Variants in TNFRSF9 observed in about 807,000 individuals in gnomAD.
TNFRSF9 encodes the protein tumor necrosis factor receptor superfamily member 9.
A neutral mutation model predicts 28.8 loss-of-function variants in TNFRSF9; 16 were observed. The ratio of observed to expected loss-of-function variants is 0.55; its 90% CI spans 0.38 to 0.84. The LOEUF is 0.84. Ranked by LOEUF, TNFRSF9 falls within the 40% of genes least tolerant of loss-of-function variation. The pLI is 0.00. For missense variants in TNFRSF9, 303 were observed against 315.0 expected (o/e 0.96, Z 0.29); for synonymous variants, 131 against 117.0 (o/e 1.12, Z -0.77).
chr1:7,936,933 C>T (rs1639824067), intron 5 of TNFRSF9, among the ~76,000 whole-genome samples: 1 of 152,196 alleles, frequency 6.6e-6, no homozygotes, highest in Non-Finnish European at 1.5e-5. Flanking sequence ...GTTCTGGTTC[C>T]ACAAAACAAC....
intron 2 of TNFRSF9, among the ~76,000 whole-genome samples, chr1:7,939,194 C>A (rs561623466): frequency 6.6e-6 from 1 of 152,010 alleles, no homozygotes; most frequent in South Asian, 2.1e-4. Context: ...GTGGTGCACA[C>A]CTGTAATCCC....
At chr1:7,921,143 G>A (rs9658040) in intron 7 of TNFRSF9, among the ~76,000 whole-genome samples, 6 of 151,538 alleles carry the variant, frequency 4.0e-5, no homozygotes, top group Non-Finnish European at 7.4e-5. Context: ...CAAGACCAGC[G>A]TGGCCAACAT....
At chr1:7,922,674 T>G (rs553055930) in intron 7 of TNFRSF9, among the ~76,000 whole-genome samples, 1 of 151,952 alleles carries the variant, frequency 6.6e-6, no homozygotes, top group East Asian at 2.0e-4. Context: ...TAGCTGGGCA[T>G]GGTGGCGCTC....
intron 7 of TNFRSF9, among the ~76,000 whole-genome samples, chr1:7,925,289 C>T (rs1175382222): frequency 2.0e-5 from 3 of 148,210 alleles, no homozygotes; most frequent in Non-Finnish European, 3.0e-5. Flanking sequence ...GCCTGGGCAG[C>T]AAGACCCTGC....
At chr1:7,934,484 G>T (rs186581534) in intron 6 of TNFRSF9, among the ~76,000 whole-genome samples, 131 of 152,282 alleles carry the variant, frequency 8.6e-4, no homozygotes, top group African/African-American at 3.1e-3. Flanking sequence ...GCCGAGGTGG[G>T]CGGATCATGC....
At chr1:7,924,817 G>T (rs993087493) in intron 7 of TNFRSF9, among the ~76,000 whole-genome samples, 1 of 152,028 alleles carries the variant, frequency 6.6e-6, no homozygotes, top group African/African-American at 2.4e-5. Flanking sequence ...ACTCTGTGTG[G>T]GTCTAGGCTA....
intron 1 of TNFRSF9, 86 bp from the exon 2 acceptor site, chr1:7,940,164 A>C (rs1639881705): frequency 2.1e-6 from 1 of 470,874 alleles, no homozygotes; most frequent in Non-Finnish European, 3.9e-6. Flanking sequence ...CAATTCTATA[A>C]GAGGATAACT....
intron 7 of TNFRSF9, 82 bp downstream of exon 7, chr1:7,933,080 A>AT (rs1206197354): frequency 2.9e-5 from 43 of 1,496,758 alleles, no homozygotes; most frequent in Admixed American, 1.1e-4. Context: ...CATTTCTAGA[A>AT]TTTTTTTTAA....
At chr1:7,928,140 TA>T (rs1448035524) in intron 7 of TNFRSF9, among the ~76,000 whole-genome samples, 1 of 152,042 alleles carries the variant, frequency 6.6e-6, no homozygotes, top group East Asian at 1.9e-4. Flanking sequence ...ACAGCTGAAA[TA>T]AAAATTGTGG....
rs1639761734 is a variant in TNFRSF9 at position 7,933,285 on chromosome 1, G to A, written c.556C>T (p.Gln186Ter). 1 of 1,613,178 alleles carries A rather than the reference G, an allele frequency of 6.2e-7. No individual in the cohort carries two copies. Residue 186 changes from glutamine (Q) to a stop codon, truncating the protein, a stop_gained, in exon 7 of 8, where the codon CAG becomes TAG. Coordinates refer to ENST00000377507, the MANE Select transcript of TNFRSF9 (RefSeq NM_001561.6). LOFTEE classifies it high-confidence loss of function. ...APAREPGHSP[Q>*]IISFFLALTS... The stretch of plus-strand genomic sequence containing the variant: ...AGCGCAAGAAAGAAGGAGATGATCT[G>A]CGGAGAGTGTCCTGCAAAACACAGC...
chr1:7,937,700 G>T lies in TNFRSF9; in HGVS notation c.403C>A (p.Pro135Thr). 1.2e-6 allele frequency: 2 copies of T among 1,613,172 alleles called. No individual in the cohort carries two copies. The highest frequency in any genetic ancestry group is 1.1e-5 in the South Asian group (1 of 91,034). ...FNDQKRGICR[P>T]WTNCSLDGKS... is the part of the protein sequence containing the mutation. ...GGAAATTATACGTACTTTGTCCAGG[G>T]TCGACAGATGCCACGTTTCTGATCG... Residue 135 changes from proline to threonine, a missense_variant, in exon 5 of 8, where the codon CCC becomes ACC. Coordinates refer to ENST00000377507, the MANE Select transcript of TNFRSF9 (RefSeq NM_001561.6).
Position 7,939,872 on chromosome 1 carries a change from GCACATGA to G in TNFRSF9, c.100+16_100+22del. On this transcript the variant is annotated intron_variant, in intron 2 of 7. Coordinates refer to ENST00000377507, the MANE Select transcript of TNFRSF9 (RefSeq NM_001561.6). ...ATACTTCCAACAGAGCAGATCAAAT[GCACATGA>G]TAACTGGGTACTCACCAGCTGGGCA... The G allele has an allele frequency of 6.4e-7, 1 of 1,558,074 alleles. No individual in the cohort carries two copies. The highest frequency in any genetic ancestry group is 8.8e-7 in the Non-Finnish European group (1 of 1,133,968).
In TNFRSF9 at chr1:7,917,955, G is replaced by GATATATATATATATAT. The variant is rs151323868; in HGVS notation, c.*2864_*2879dup. ...AAAAAGGGAAAAATAAATTACAAAG[G>GATATATATATATATAT]ATATATATATATATATATATAGATA... On this transcript the variant is annotated 3_prime_UTR_variant, in exon 8 of 8. Transcript: ENST00000377507. 17 of 136,460 alleles carry GATATATATATATATAT rather than the reference G, an allele frequency of 1.2e-4. No individual in the cohort carries two copies. Among genetic ancestry groups the GATATATATATATATAT allele is most frequent in the Admixed American group, 7.4e-4 (10 of 13,452 alleles). The allele number at this position is 136,460 out of a possible 1,614,324, so 8.5% of individuals were successfully genotyped here.
Position 7,939,986 on chromosome 1 carries a change from GT to G in TNFRSF9, c.8del (p.Asn3ThrfsTer6), listed in dbSNP as rs1182499221. On this transcript the variant is annotated frameshift_variant, in exon 2 of 8. Coordinates refer to ENST00000377507, the MANE Select transcript of TNFRSF9 (RefSeq NM_001561.6). LOFTEE classifies it high-confidence loss of function. MGNSCYNIVATLL... is the reference protein window; with the variant it reads MGXSCYNIVATLL... Reference sequence around the variant, plus strand: ...GAGTGGCTACTATGTTGTAACAGCTGTTTCCCATGATGAAATCTGGCACAGG... The same window carrying G: ...GAGTGGCTACTATGTTGTAACAGCTGTTCCCATGATGAAATCTGGCACAGG... 1 of 1,590,710 alleles carries G rather than the reference GT, an allele frequency of 6.3e-7. No individual in the cohort carries two copies. The highest frequency in any genetic ancestry group is 1.3e-5 in the African/African-American group (1 of 74,634).
At chr1:7,931,175 T>C (rs1338412015) in intron 7 of TNFRSF9, among the ~76,000 whole-genome samples, 2 of 152,030 alleles carry the variant, frequency 1.3e-5, no homozygotes, top group East Asian at 3.9e-4. Flanking sequence ...GCCAGGGGAG[T>C]GTAAATGGGG....
chr1:7,940,148 C>T (rs1013128093), intron 1 of TNFRSF9, 70 bp from the exon 2 acceptor site: 63 of 515,246 alleles, frequency 1.2e-4, no homozygotes, highest in African/African-American at 9.2e-4. Flanking sequence ...GCAATCATTA[C>T]TTATACAATT....
intron 7 of TNFRSF9, 133 bp downstream of exon 7, chr1:7,933,029 G>A (rs1325568362): frequency 3.7e-6 from 4 of 1,074,294 alleles, no homozygotes; most frequent in African/African-American, 1.6e-5. Flanking sequence ...TCCCAGGGAC[G>A]AAATTGCCCC....
At chr1:7,925,302 C>CAAA (rs200320091) in intron 7 of TNFRSF9, among the ~76,000 whole-genome samples, 12,272 of 128,632 alleles carry the variant, frequency 0.095, 1,090 homozygotes, top group East Asian at 0.38. Context: ...GACCCTGCCT[C>CAAA]AAAAAAAAAA....
In TNFRSF9 at chr1:7,923,352, G is replaced by A. The variant is rs535919610; in HGVS notation, c.680-2429C>T. On this transcript the variant is annotated intron_variant, in intron 7 of 7. Transcript: ENST00000377507. Reference sequence around the variant, plus strand: ...AGGCTCATCTCCCCCTCCCTCCTGGGGTAGTGTCAGAGGAGGCCTAGTGGG... The same window carrying A: ...AGGCTCATCTCCCCCTCCCTCCTGGAGTAGTGTCAGAGGAGGCCTAGTGGG... Among the ~76,000 whole-genome samples the A allele has an allele frequency of 1.3e-4, 20 of 152,298 alleles. 1 individual carries two copies. In the South Asian group the frequency reaches 3.9e-3, roughly 30 times the overall value.
Sources: gnomAD v4.1 joint callset for allele counts (sites outside exome capture counted in the v4.1 genomes callset) on GRCh38, gnomAD v4.1.1 for gene constraint, MANE v1.5 for transcripts, NCBI Gene and HGNC (gene_info 2026-07-23, HGNC 2026-07-21) for gene names.